The following INSR variants were observed in gnomAD, a reference collection of about 807,000 sequenced individuals.
INSR encodes the protein IR.
A neutral mutation model predicts 142.6 loss-of-function variants in INSR; 67 were observed. The ratio of observed to expected loss-of-function variants is 0.47; its 90% CI spans 0.39 to 0.58. The LOEUF is 0.58. Ranked by LOEUF, INSR falls within the 20% of genes least tolerant of loss-of-function variation. The pLI is 0.00. For missense variants in INSR, 1,248 were observed against 1,833.2 expected (o/e 0.68, Z 5.83); for synonymous variants, 756 against 743.1 (o/e 1.02, Z -0.28).
intron 2 of INSR, among the ~76,000 whole-genome samples, chr19:7,185,753 G>T (rs922472763): frequency 2.1e-5 from 3 of 141,066 alleles, no homozygotes; most frequent in African/African-American, 7.8e-5. Flanking sequence ...TGAGGCACGA[G>T]AATCACTTGA....
intron 3 of INSR, among the ~76,000 whole-genome samples, chr19:7,177,702 A>ATTTT (rs71177166): frequency 5.3e-4 from 48 of 90,614 alleles, no homozygotes; most frequent in Non-Finnish European, 7.4e-4. Context: ...CTAATTTTGT[A>ATTTT]TTTTTTTTTT....
At chr19:7,268,457 C>T in intron 1 of INSR, 1 of 985,276 alleles carries the variant, frequency 1.0e-6, no homozygotes, top group Non-Finnish European at 1.2e-6. Flanking sequence ...CTCCATTGCC[C>T]AAATGCCCTG....
At chr19:7,265,387 G>T (rs186003316) in intron 2 of INSR, among the ~76,000 whole-genome samples, 3 of 152,094 alleles carry the variant, frequency 2.0e-5, no homozygotes, top group Non-Finnish European at 4.4e-5. Flanking sequence ...CGAAACGCCC[G>T]TTGAGTCACA....
intron 3 of INSR, among the ~76,000 whole-genome samples, chr19:7,178,463 G>A (rs1489767601): frequency 2.6e-5 from 4 of 152,152 alleles, no homozygotes; most frequent in East Asian, 1.9e-4. Flanking sequence ...CCTCACGCCT[G>A]TAATCCTAGC....
chr19:7,122,581 C>T (rs774900514), intron 19 of INSR, 33 bp downstream of exon 19: 84 of 1,612,678 alleles, frequency 5.2e-5, no homozygotes, highest in Non-Finnish European at 6.1e-5. Context: ...TGGCCTGGGT[C>T]GTTATGTTTT....
intron 1 of INSR, among the ~76,000 whole-genome samples, chr19:7,287,908 C>G (rs759549191): frequency 1.3e-5 from 2 of 152,146 alleles, no homozygotes; most frequent in Non-Finnish European, 2.9e-5. Flanking sequence ...AACTACTCAA[C>G]CTGCCGTGTC....
intron 6 of INSR, among the ~76,000 whole-genome samples, chr19:7,169,576 C>CAAAA (rs74174872): frequency 9.7e-4 from 92 of 94,644 alleles, no homozygotes; most frequent in African/African-American, 2.1e-3. Flanking sequence ...GACTCTGTCC[C>CAAAA]AAAAAAAAAA....
At chr19:7,199,208 A>C (rs1037103391) in intron 2 of INSR, among the ~76,000 whole-genome samples, 2 of 152,046 alleles carry the variant, frequency 1.3e-5, no homozygotes, top group African/African-American at 4.8e-5. Context: ...CACACGGTCC[A>C]ATCCATCAAT....
At chr19:7,140,542 T>C (rs1973043525) in intron 13 of INSR, among the ~76,000 whole-genome samples, 1 of 152,172 alleles carries the variant, frequency 6.6e-6, no homozygotes, top group Non-Finnish European at 1.5e-5. Flanking sequence ...TGGATCATGA[T>C]TCTATTCTTC....
At chr19:7,293,430 C>A (rs537679028) in intron 1 of INSR, among the ~76,000 whole-genome samples, 91 of 152,350 alleles carry the variant, frequency 6.0e-4, no homozygotes, top group African/African-American at 2.1e-3. Context: ...AGTGACCCCA[C>A]TTCCCGGCCG....
intron 9 of INSR, among the ~76,000 whole-genome samples, chr19:7,158,447 G>A (rs1973667638): frequency 6.6e-6 from 1 of 152,162 alleles, no homozygotes; most frequent in Admixed American, 6.6e-5. Flanking sequence ...CTTGCAGTGA[G>A]CCGAGATCAC....
chr19:7,167,859 GGA>G (rs1369159969), intron 7 of INSR, 107 bp downstream of exon 7: 2 of 1,305,946 alleles, frequency 1.5e-6, no homozygotes, highest in Non-Finnish European at 2.2e-6. Flanking sequence ...TCCAGGAGGA[GGA>G]GGGAGATAGA....
At chr19:7,278,627 G>C (rs1968124725) in intron 1 of INSR, among the ~76,000 whole-genome samples, 1 of 152,160 alleles carries the variant, frequency 6.6e-6, no homozygotes, top group African/African-American at 2.4e-5. Flanking sequence ...GGGAGGTCAA[G>C]GGGGGTGGAT....
At chr19:7,277,820 G>T (rs986906736) in intron 1 of INSR, among the ~76,000 whole-genome samples, 4 of 149,616 alleles carry the variant, frequency 2.7e-5, no homozygotes, top group Non-Finnish European at 4.4e-5. Context: ...GGCCGGACAC[G>T]GTGGCTCACG....
intron 14 of INSR, among the ~76,000 whole-genome samples, chr19:7,131,587 C>T (rs1004746130): frequency 6.7e-6 from 1 of 150,360 alleles, no homozygotes; most frequent in African/African-American, 2.4e-5. Flanking sequence ...ACCTTGTGAT[C>T]TGCCCGCCTC....
At chr19:7,271,412 A>T (rs2145218930) in intron 1 of INSR, among the ~76,000 whole-genome samples, 1 of 152,148 alleles carries the variant, frequency 6.6e-6, no homozygotes, top group East Asian at 1.9e-4. Flanking sequence ...AGGCAGGAGA[A>T]TCACTTGAAC....
chr19:7,117,396 C>A lies in INSR; in HGVS notation c.3809G>T (p.Arg1270Leu). The change falls in exon 22 of 22, where the codon CGC becomes CTC. Residue 1270 changes from arginine to leucine, a missense_variant. Physicochemically the swap from Arg to Leu is moderately radical, Grantham distance 102 (BLOSUM62 -2). This residue lies in a region of INSR where 1,069 missense variants were observed against 1,654.0 expected (regional missense o/e 0.65). Transcript: ENST00000302850. ...NCPERVTDLM[R>L]MCWQFNPKMR... The stretch of plus-strand genomic sequence containing the variant: ...CTTGGGGTTGAATTGCCAGCACATG[C>A]GCATGAGGTCAGTGCTGCGGGGCAG... 2 of 1,613,676 alleles carry A rather than the reference C, an allele frequency of 1.2e-6. No homozygotes were observed. The highest frequency in any genetic ancestry group is 1.7e-4 in the Middle Eastern group (1 of 6,060).
At chr19:7,124,782 A>C (rs1972605646) in intron 17 of INSR, among the ~76,000 whole-genome samples, 1 of 150,872 alleles carries the variant, frequency 6.6e-6, no homozygotes, top group Admixed American at 6.7e-5. Context: ...ATGAAAGCAC[A>C]TAGGACTCAA....
intron 2 of INSR, among the ~76,000 whole-genome samples, chr19:7,239,899 A>G (rs1459349940): frequency 6.6e-6 from 1 of 152,070 alleles, no homozygotes; most frequent in African/African-American, 2.4e-5. Flanking sequence ...CAAAAATATC[A>G]TATGTGTGCA....
Sources: gnomAD v4.1 joint callset for allele counts (sites outside exome capture counted in the v4.1 genomes callset) on GRCh38, gnomAD v4.1.1 for gene constraint, gnomAD v4.1.1 regional missense constraint, MANE v1.5 for transcripts, NCBI Gene and HGNC (gene_info 2026-07-23, HGNC 2026-07-21) for gene names.